The following FBXO17 variants were observed in gnomAD, a reference collection of about 807,000 sequenced individuals.
FBXO17 encodes F-box only protein 17.
Under a neutral mutation model 34.1 loss-of-function variants are expected in FBXO17, and 43 were observed. That is an observed-to-expected ratio of 1.26 (90% CI 0.99 to 1.62). FBXO17 has a LOEUF of 1.62. Among genes scored for constraint, FBXO17 ranks in the 40% most tolerant of loss-of-function variants. FBXO17 has a pLI of 0.00. For missense variants in FBXO17, 424 were observed against 386.7 expected (o/e 1.10, Z -0.81); for synonymous variants, 169 against 166.0 (o/e 1.02, Z -0.14).
At chr19:38,965,318 A>T (rs1975304797) in intron 1 of FBXO17, among the ~76,000 whole-genome samples, 1 of 147,518 alleles carries the variant, frequency 6.8e-6, no homozygotes, top group African/African-American at 2.5e-5. Flanking sequence ...GGCCATCTCA[A>T]CATTCTTTTT....
Position 38,950,004 on chromosome 19 carries a change from C to G in FBXO17, c.316G>C (p.Gly106Arg), listed in dbSNP as rs768218122. 3.7e-5 allele frequency: 57 copies of G among 1,553,680 alleles called. No individual in the cohort carries two copies. The East Asian group carries it at 5.4e-4, about 15-fold the overall frequency. The change falls in exon 2 of 6, where the codon GGC becomes CGC. Residue 106 changes from glycine to arginine, a missense_variant. Gly to Arg is a moderately radical substitution (Grantham distance 125). Transcript: ENST00000292852. ...CAGGAGTTGAAGATGAGATTGCGGC[C>G]GAAGGGCGCGCGCAGACAGTAGCGC... is the stretch of plus-strand genomic sequence containing the variant. Reference protein sequence around the residue: ...LARYCLRAPFGRNLIFNSCGE... With the variant: ...LARYCLRAPFRRNLIFNSCGE...
At position 38,942,548 on chromosome 19, in the gene FBXO17, G is replaced by C. The variant is rs1974904653; in HGVS notation, c.*60C>G. 6.8e-7 allele frequency: 1 copy of C among 1,467,588 alleles called. No homozygotes were observed. Among genetic ancestry groups the C allele is most frequent in the Non-Finnish European group, 9.0e-7 (1 of 1,112,006 alleles). 90.9% of individuals were successfully genotyped at this position (1,467,588 alleles called of 1,614,324 possible). A position where few individuals can be genotyped will look rare whatever the true frequency, so the allele number is the denominator to read the frequency against. ...AAGTGCTGGGATTCCACAGGTGTGA[G>C]CCACTGCACCTGGCTGCAAGGCTGG... On this transcript the variant is annotated 3_prime_UTR_variant, in exon 6 of 6. Coordinates refer to ENST00000292852, the MANE Select transcript of FBXO17 (RefSeq NM_024907.7).
At chr19:38,974,057 T>C (rs1358927349) in intron 1 of FBXO17, among the ~76,000 whole-genome samples, 1 of 147,928 alleles carries the variant, frequency 6.8e-6, no homozygotes, top group Admixed American at 6.8e-5. Flanking sequence ...CACATATATA[T>C]ACACACATAT....
chr19:38,947,175 G>C (rs1464605849), intron 3 of FBXO17: 1 of 153,124 alleles, frequency 6.5e-6, no homozygotes, highest in Non-Finnish European at 1.5e-5. Flanking sequence ...TAGCTCAGGG[G>C]CTCCTGCCTA....
intron 1 of FBXO17, among the ~76,000 whole-genome samples, chr19:38,973,518 T>C (rs1975417408): frequency 6.6e-6 from 1 of 152,108 alleles, no homozygotes; most frequent in Non-Finnish European, 1.5e-5. Flanking sequence ...CTCATCTCTT[T>C]TAATCTAAAA....
At chr19:38,953,147 A>C (rs1400086973) in intron 1 of FBXO17, among the ~76,000 whole-genome samples, 1 of 151,822 alleles carries the variant, frequency 6.6e-6, no homozygotes, top group Non-Finnish European at 1.5e-5. Context: ...ACAAAAAATA[A>C]AATGAAAAAA....
Position 38,975,421 on chromosome 19 carries a change from G to C in FBXO17, c.-18+165C>G, listed in dbSNP as rs1333500312. On this transcript the variant is annotated intron_variant, in intron 1 of 5. Coordinates refer to ENST00000292852, the MANE Select transcript of FBXO17 (RefSeq NM_024907.7). The surrounding 1 kb of genome is among the most constrained non-coding windows in gnomAD (Gnocchi z 4.9). ...TGGGTTTAAAGGAGCCTCAGGCCGAGGGAGGGCCCGGGAAAGCGACGCTGC... is the reference window on the plus strand; with the variant it reads ...TGGGTTTAAAGGAGCCTCAGGCCGACGGAGGGCCCGGGAAAGCGACGCTGC... Among the ~76,000 whole-genome samples, 1 of 152,226 alleles carries C rather than the reference G, an allele frequency of 6.6e-6. No homozygotes were observed. Among genetic ancestry groups the C allele is most frequent in the Non-Finnish European group, 1.5e-5 (1 of 68,040 alleles).
At position 38,950,309 on chromosome 19, in the gene FBXO17, C is replaced by G. The variant is rs1218580136; in HGVS notation, c.11G>C (p.Arg4Pro). MGA[R>P]LSRRRLPADP... ...CGCCGGCAGCCGTCGCCGCGATAGC[C>G]GGGCGCCCATCTCCAGTAGCCAGAG... is the stretch of plus-strand genomic sequence containing the variant. Residue 4 changes from arginine (R) to proline (P), a missense_variant, in exon 2 of 6, where the codon CGG becomes CCG. Transcript: ENST00000292852. 9.1e-6 allele frequency: 13 copies of G among 1,430,902 alleles called. No individual in the cohort carries two copies. The East Asian group carries it at 3.1e-4, about 34-fold the overall frequency. The allele number at this position is 1,430,902 out of a possible 1,614,324, so 88.6% of individuals were successfully genotyped here.
chr19:38,971,817 G>A (rs1189528512), intron 1 of FBXO17, among the ~76,000 whole-genome samples: 1 of 151,892 alleles, frequency 6.6e-6, no homozygotes, highest in Non-Finnish European at 1.5e-5. Context: ...AAAGAAAAAG[G>A]GCCCAGCTGC....
chr19:38,950,153 G>T lies in FBXO17; in HGVS notation c.167C>A (p.Pro56His). ...CRAWRDIVDG[P>H]TVWLLQLARD... ...GGCCAGCTGCAGCAGCCACACAGTG[G>T]GCCCGTCCACTATGTCGCGCCAGGC... Residue 56 changes from proline (P) to histidine (H), a missense_variant, in exon 2 of 6, where the codon CCC becomes CAC. Coordinates refer to ENST00000292852, the MANE Select transcript of FBXO17 (RefSeq NM_024907.7). The T allele has an allele frequency of 6.4e-7, 1 of 1,562,544 alleles. No homozygotes were observed. Among genetic ancestry groups the T allele is most frequent in the East Asian group, 2.4e-5 (1 of 41,844 alleles).
At chr19:38,955,383 C>T (rs903786998) in intron 1 of FBXO17, among the ~76,000 whole-genome samples, 2 of 152,096 alleles carry the variant, frequency 1.3e-5, no homozygotes, top group Middle Eastern at 3.2e-3. Flanking sequence ...CATGAGTCAC[C>T]GCATGCAGCG....
Position 38,942,524 on chromosome 19 carries a change from A to C in FBXO17, c.*84T>G. 1 of 1,393,996 alleles carries C rather than the reference A, an allele frequency of 7.2e-7. No individual in the cohort carries two copies. Among genetic ancestry groups the C allele is most frequent in the Non-Finnish European group, 9.4e-7 (1 of 1,062,388 alleles). 86.4% of individuals were successfully genotyped at this position (1,393,996 alleles called of 1,614,324 possible). On this transcript the variant is annotated 3_prime_UTR_variant, in exon 6 of 6. Coordinates refer to ENST00000292852, the MANE Select transcript of FBXO17 (RefSeq NM_024907.7). ...TGATCCTCCCACCTCGGCCTCCTGA[A>C]GTGCTGGGATTCCACAGGTGTGAGC...
At position 38,942,558 on chromosome 19, in the gene FBXO17, C is replaced by G; in HGVS notation, c.*50G>C. 1 of 1,484,198 alleles carries G rather than the reference C, an allele frequency of 6.7e-7. No homozygotes were observed. Among genetic ancestry groups the G allele is most frequent in the Non-Finnish European group, 8.9e-7 (1 of 1,121,074 alleles). 91.9% of individuals were successfully genotyped at this position (1,484,198 alleles called of 1,614,324 possible). On this transcript the variant is annotated 3_prime_UTR_variant, in exon 6 of 6. Transcript: ENST00000292852. ...ATTCCACAGGTGTGAGCCACTGCACCTGGCTGCAAGGCTGGTCTTGACTGA... is the reference window on the plus strand; with the variant it reads ...ATTCCACAGGTGTGAGCCACTGCACGTGGCTGCAAGGCTGGTCTTGACTGA...
intron 1 of FBXO17, among the ~76,000 whole-genome samples, chr19:38,951,019 T>G (rs929157275): frequency 2.6e-5 from 4 of 152,032 alleles, no homozygotes; most frequent in Non-Finnish European, 5.9e-5. Context: ...CTCGAACTCC[T>G]GACTTCGTGA....
chr19:38,952,015 A>G (rs138911066), intron 1 of FBXO17, among the ~76,000 whole-genome samples: 9 of 144,404 alleles, frequency 6.2e-5, no homozygotes, highest in African/African-American at 1.8e-4. Flanking sequence ...CAGTGGCACA[A>G]TCTTGGCTCA....
intron 5 of FBXO17, among the ~76,000 whole-genome samples, chr19:38,943,236 A>G (rs1974920347): frequency 6.6e-6 from 1 of 151,688 alleles, no homozygotes; most frequent in Non-Finnish European, 1.5e-5. Flanking sequence ...TTCCAATTTA[A>G]AAAAGTTGAG....
chr19:38,967,763 C>CA, intron 1 of FBXO17, among the ~76,000 whole-genome samples: 1 of 151,928 alleles, frequency 6.6e-6, no homozygotes, highest in African/African-American at 2.4e-5. Flanking sequence ...GATGGGTCTT[C>CA]CTATATTGCC....
chr19:38,974,141 G>A, intron 1 of FBXO17, among the ~76,000 whole-genome samples: 1 of 149,890 alleles, frequency 6.7e-6, no homozygotes, highest in Non-Finnish European at 1.5e-5. Flanking sequence ...GAGTGCAATG[G>A]CACAATCTTG....
In FBXO17 at chr19:38,948,681, G is replaced by A. The variant is rs201590101; in HGVS notation, c.350-3C>T. ...CACCTCCCAGCCTCTGAAGCCCTCT[G>A]TGGGAAAACAAGAGTTGAACATATG... On this transcript the variant is annotated splice_polypyrimidine_tract_variant and splice_region_variant and intron_variant, in intron 2 of 5. Coordinates refer to ENST00000292852, the MANE Select transcript of FBXO17 (RefSeq NM_024907.7). The A allele has an allele frequency of 1.2e-6, 2 of 1,613,242 alleles. No individual in the cohort carries two copies. The highest frequency in any genetic ancestry group is 4.5e-5 in the East Asian group (2 of 44,880).
Sources: allele counts gnomAD v4.1 joint callset (sites outside exome capture counted in the v4.1 genomes callset), GRCh38; gene constraint gnomAD v4.1.1; non-coding constraint Gnocchi (gnomAD v3.1); transcripts MANE v1.5; gene names NCBI Gene and HGNC (gene_info 2026-07-23, HGNC 2026-07-21).